The following CNTNAP4 variants were observed in gnomAD, a reference collection of about 807,000 sequenced individuals.
CNTNAP4 encodes contactin-associated protein-like 4.
Under a neutral mutation model 148.4 loss-of-function variants are expected in CNTNAP4, and 98 were observed. The observed-to-expected ratio is 0.66, with a 90% CI of 0.56 to 0.78. CNTNAP4 has a LOEUF of 0.78. CNTNAP4 is among the 30% of genes least tolerant of loss of function. The pLI is 0.00. For missense variants in CNTNAP4, 1,935 were observed against 1,565.6 expected (o/e 1.24, Z -3.98); for synonymous variants, 730 against 565.1 (o/e 1.29, Z -4.14).
chr16:76,445,784 TA>T (rs2080216474), intron 4 of CNTNAP4, among the ~76,000 whole-genome samples: 1 of 152,192 alleles, frequency 6.6e-6, no homozygotes, highest in East Asian at 1.9e-4. Context: ...AGTCTTTACC[TA>T]AAATGAAATC....
intron 3 of CNTNAP4, among the ~76,000 whole-genome samples, chr16:76,357,268 TA>T: frequency 6.6e-6 from 1 of 152,228 alleles, no homozygotes. Context: ...CCTAGATAAG[TA>T]GTGGCTAATG....
At chr16:76,329,188 A>G (rs1041110719) in intron 2 of CNTNAP4, among the ~76,000 whole-genome samples, 2 of 152,250 alleles carry the variant, frequency 1.3e-5, no homozygotes, top group South Asian at 2.1e-4. Flanking sequence ...TAAAAATGCA[A>G]TGCAAAAATT....
chr16:76,333,078 T>A (rs1391488004), intron 2 of CNTNAP4, among the ~76,000 whole-genome samples: 1 of 152,210 alleles, frequency 6.6e-6, no homozygotes, highest in Admixed American at 6.5e-5. Flanking sequence ...ACTATTCTTG[T>A]AAGGATAAGG....
intron 2 of CNTNAP4, 87 bp downstream of exon 2, chr16:76,316,610 A>G: frequency 1.2e-6 from 1 of 842,730 alleles, no homozygotes; most frequent in Non-Finnish European, 2.0e-6. Context: ...TGAATGATAC[A>G]TGGTAAAAGA....
intron 3 of CNTNAP4, among the ~76,000 whole-genome samples, chr16:76,363,076 C>A (rs2013639277): frequency 6.7e-6 from 1 of 149,628 alleles, no homozygotes; most frequent in Non-Finnish European, 1.5e-5. Context: ...AAAAAATAGA[C>A]AATGGGGAAT....
chr16:76,542,149 G>GA (rs761797518), intron 21 of CNTNAP4, among the ~76,000 whole-genome samples: 11 of 152,138 alleles, frequency 7.2e-5, no homozygotes, highest in Admixed American at 2.0e-4. Flanking sequence ...CAGATGCATA[G>GA]AAAAACATGG....
chr16:76,390,147 C>G (rs1432402950), intron 3 of CNTNAP4, among the ~76,000 whole-genome samples: 6 of 152,130 alleles, frequency 3.9e-5, no homozygotes, highest in Non-Finnish European at 8.8e-5. Context: ...GAGGACTTAG[C>G]CTTCCTCCCT....
At chr16:76,462,252 C>A in intron 9 of CNTNAP4, 147 bp downstream of exon 9, 2 of 704,514 alleles carry the variant, frequency 2.8e-6, no homozygotes, top group Non-Finnish European at 2.2e-6. Flanking sequence ...TTGGGTGGAT[C>A]AAGTCGAAAA....
chr16:76,374,742 C>CTATTAT (rs34594219), intron 3 of CNTNAP4, among the ~76,000 whole-genome samples: 3,041 of 131,522 alleles, frequency 0.023, 48 homozygotes, highest in African/African-American at 0.034. Flanking sequence ...GACTATGACA[C>CTATTAT]TATTATTATT....
chr16:76,481,109 T>C (rs2143676920), intron 12 of CNTNAP4, among the ~76,000 whole-genome samples: 1 of 152,336 alleles, frequency 6.6e-6, no homozygotes, highest in Non-Finnish European at 1.5e-5. Flanking sequence ...GGATAATTGA[T>C]TTATTGCCAA....
At chr16:76,529,542 A>C (rs1378769519) in intron 17 of CNTNAP4, among the ~76,000 whole-genome samples, 1 of 152,170 alleles carries the variant, frequency 6.6e-6, no homozygotes, top group African/African-American at 2.4e-5. Context: ...GAAGCTTCTT[A>C]AATTAGCCTT....
At chr16:76,384,308 C>A (rs1394947941) in intron 3 of CNTNAP4, among the ~76,000 whole-genome samples, 2 of 152,196 alleles carry the variant, frequency 1.3e-5, no homozygotes, top group East Asian at 3.9e-4. Flanking sequence ...TCCCAAAGTG[C>A]TGGGATTACA....
chr16:76,463,919 G>A lies in CNTNAP4; in HGVS notation c.1483+1814G>A, dbSNP rs146300068. Among the ~76,000 whole-genome samples, 1,182 of 152,126 alleles carry A rather than the reference G, an allele frequency of 7.8e-3. 15 individuals are homozygous for A. Among genetic ancestry groups the A allele is most frequent in the African/African-American group, 0.028 (1,145 of 41,492 alleles). Reference sequence around the variant, plus strand: ...TCAGGGCTTTCTTAAAAAAAATTACGAATCTCAAGTTTACTTAGGTATCTC... The same window carrying A: ...TCAGGGCTTTCTTAAAAAAAATTACAAATCTCAAGTTTACTTAGGTATCTC... On this transcript the variant is annotated intron_variant, in intron 9 of 23. Transcript: ENST00000611870.
intron 2 of CNTNAP4, among the ~76,000 whole-genome samples, chr16:76,339,420 T>G (rs1006249736): frequency 2.6e-5 from 4 of 152,070 alleles, no homozygotes; most frequent in Non-Finnish European, 4.4e-5. Context: ...CCACATTAAT[T>G]TAAATTTTAA....
At chr16:76,500,685 C>T (rs1008234041) in intron 15 of CNTNAP4, among the ~76,000 whole-genome samples, 7 of 150,916 alleles carry the variant, frequency 4.6e-5, no homozygotes, top group African/African-American at 1.7e-4. Flanking sequence ...TGCTGTTTTG[C>T]ATATGCAATG....
intron 3 of CNTNAP4, among the ~76,000 whole-genome samples, chr16:76,423,021 C>A (rs901902023): frequency 1.3e-4 from 20 of 152,124 alleles, no homozygotes; most frequent in African/African-American, 4.8e-4. Context: ...AAAAGAGACC[C>A]AAAGGAGCTC....
chr16:76,457,996 G>C (rs1351207971), intron 8 of CNTNAP4, among the ~76,000 whole-genome samples: 1 of 152,030 alleles, frequency 6.6e-6, no homozygotes, highest in Non-Finnish European at 1.5e-5. Context: ...CCATCTGTAT[G>C]ACCATGTGTA....
At position 76,365,928 on chromosome 16, in the gene CNTNAP4, A is replaced by T. The variant is rs183242823; in HGVS notation, c.390+10417A>T. Among the ~76,000 whole-genome samples, 37 of 152,252 alleles carry T rather than the reference A, an allele frequency of 2.4e-4. No homozygotes were observed. The East Asian group carries it at 5.6e-3, about 23-fold the overall frequency. On this transcript the variant is annotated intron_variant, in intron 3 of 23. Transcript: ENST00000611870. ...ACAAACGCCATTTGTAATAGAATCC[A>T]AACTAGATTAGATTGGAAGTTGGGT... is the stretch of plus-strand genomic sequence containing the variant.
chr16:76,408,319 T>G (rs7188315), intron 3 of CNTNAP4, among the ~76,000 whole-genome samples: 53,009 of 147,450 alleles, frequency 0.36, 10,917 homozygotes, highest in Non-Finnish European at 0.44. Context: ...TTACTAAGCT[T>G]CTTACATAGA....
Sources: allele counts gnomAD v4.1 joint callset (sites outside exome capture counted in the v4.1 genomes callset), GRCh38; gene constraint gnomAD v4.1.1; transcripts MANE v1.5; gene names NCBI Gene and HGNC (gene_info 2026-07-23, HGNC 2026-07-21).